The following MRO variants were observed in gnomAD, a reference collection of about 807,000 sequenced individuals.
MRO encodes the protein maestro, also known as protein maestro.
A neutral mutation model predicts 31.0 loss-of-function variants in MRO; 28 were observed. The ratio of observed to expected loss-of-function variants is 0.90; its 90% CI spans 0.67 to 1.24. The LOEUF is 1.24. MRO is among the 50% of genes most tolerant of loss of function. The pLI, the probability that MRO is intolerant of heterozygous loss-of-function variation, is 0.00. For missense variants in MRO, 332 were observed against 289.2 expected, an observed-to-expected ratio of 1.15 and a Z score of -1.07; for synonymous variants, 108 against 108.4, an observed-to-expected ratio of 1.00 and a Z score of 0.02.
In MRO at chr18:50,805,407, T is replaced by A. The variant is rs1390775337; in HGVS notation, c.247-71A>T. 3 of 1,224,918 alleles carry A rather than the reference T, an allele frequency of 2.4e-6. No individual in the cohort carries two copies. In the African/African-American group the frequency reaches 4.5e-5, roughly 18 times the overall value. 75.9% of individuals were successfully genotyped at this position (1,224,918 alleles called of 1,614,324 possible). On this transcript the variant is annotated intron_variant, in intron 4 of 7. Transcript: ENST00000398439. ...CCATAGGTTGAAAAGCAACCCCACA[T>A]CTAAGCTACTAATAACCTAGGACTT... is the stretch of plus-strand genomic sequence containing the variant.
At position 50,801,353 on chromosome 18, in the gene MRO, G is replaced by T. The variant is rs1157415116; in HGVS notation, c.581C>A (p.Ala194Asp). The change falls in exon 6 of 8, where the codon GCC becomes GAC. Residue 194 changes from alanine (A) to aspartate (D), a missense_variant. Transcript: ENST00000398439. Reference sequence around the variant, plus strand: ...GTTGCAGAGTCAAGGTCTTACCTTGGCAACCTGGGGATTTCTGTCCTGTAA... The same window carrying T: ...GTTGCAGAGTCAAGGTCTTACCTTGTCAACCTGGGGATTTCTGTCCTGTAA... ...IHLQDRNPQVAKACKTTFQAC... is the reference protein window; with the variant it reads ...IHLQDRNPQVDKACKTTFQAC... The T allele has an allele frequency of 1.3e-6, 2 of 1,577,808 alleles. No homozygotes were observed. The highest frequency in any genetic ancestry group is 1.7e-6 in the Non-Finnish European group (2 of 1,159,046).
intron 6 of MRO, among the ~76,000 whole-genome samples, chr18:50,800,499 G>C (rs1364090798): frequency 1.3e-5 from 2 of 152,226 alleles, no homozygotes; most frequent in African/African-American, 4.8e-5. Flanking sequence ...CGTTCACCAA[G>C]TCCCACTCCA....
intron 5 of MRO, 44 bp downstream of exon 5, chr18:50,805,110 C>T: frequency 6.5e-7 from 1 of 1,527,516 alleles, no homozygotes; most frequent in Non-Finnish European, 9.1e-7. Context: ...TATTTCTAAG[C>T]CCATTTTGAT....
intron 4 of MRO, 130 bp downstream of exon 4, chr18:50,806,574 T>G: frequency 9.0e-7 from 1 of 1,109,592 alleles, no homozygotes; most frequent in Non-Finnish European, 1.3e-6. Flanking sequence ...AGCTGCTAAG[T>G]GTGCGGTGGT....
intron 2 of MRO, among the ~76,000 whole-genome samples, chr18:50,818,428 AC>A: frequency 6.6e-6 from 1 of 151,852 alleles, no homozygotes; most frequent in Non-Finnish European, 1.5e-5. Context: ...CTATGTGCAG[AC>A]CCCTTGGTTT....
At chr18:50,818,111 G>A (rs149529163) in intron 2 of MRO, among the ~76,000 whole-genome samples, 264 of 151,360 alleles carry the variant, frequency 1.7e-3, no homozygotes, top group Middle Eastern at 6.9e-3. Flanking sequence ...TTGCAACACA[G>A]GATCTCAGAG....
intron 5 of MRO, among the ~76,000 whole-genome samples, chr18:50,801,937 A>T (rs566544508): frequency 3.7e-4 from 57 of 152,274 alleles, no homozygotes; most frequent in Admixed American, 7.2e-4. Context: ...CCTCCCCACA[A>T]GCTAATAAAG....
intron 2 of MRO, among the ~76,000 whole-genome samples, chr18:50,812,463 T>C (rs1206365606): frequency 6.6e-6 from 1 of 152,224 alleles, no homozygotes; most frequent in Non-Finnish European, 1.5e-5. Context: ...CTGTGGGCTG[T>C]CTTTTCACTT....
chr18:50,807,859 C>A (rs2144622993), intron 3 of MRO, among the ~76,000 whole-genome samples: 1 of 152,300 alleles, frequency 6.6e-6, no homozygotes, highest in South Asian at 2.1e-4. Flanking sequence ...AGGCGGATCG[C>A]CTGAGGTCAG....
At position 50,812,372 on chromosome 18, in the gene MRO, T is replaced by G. The variant is rs180953936; in HGVS notation, c.-4-2968A>C. On this transcript the variant is annotated intron_variant, in intron 2 of 7. Transcript: ENST00000398439. ...ATTGTCAGTTGGGTTGTTTGTCTTT[T>G]TCTGAGTTGTAAGAATTCTTTATAT... Among the ~76,000 whole-genome samples the G allele has an allele frequency of 1.7e-4, 26 of 152,338 alleles. 1 individual carries two copies. The East Asian group carries it at 4.4e-3, about 26-fold the overall frequency.
At position 50,819,620 on chromosome 18, in the gene MRO, G is replaced by A. The variant is rs1403908580; in HGVS notation, c.-44C>T. The A allele has an allele frequency of 1.3e-6, 2 of 1,551,660 alleles. No individual in the cohort carries two copies. On this transcript the variant is annotated 5_prime_UTR_variant, in exon 2 of 8. Coordinates refer to ENST00000398439, the MANE Select transcript of MRO (RefSeq NM_031939.6). Reference sequence around the variant, plus strand: ...GGCGGCTGCCACGTGATGAACCGGAGCCCGTTCCTGACTCGGGAGGGCTGC... The same window carrying A: ...GGCGGCTGCCACGTGATGAACCGGAACCCGTTCCTGACTCGGGAGGGCTGC...
At chr18:50,819,434 A>G (rs1247327899) in intron 2 of MRO, 147 bp downstream of exon 2, 17 of 1,435,296 alleles carry the variant, frequency 1.2e-5, no homozygotes, top group Non-Finnish European at 1.4e-5. Context: ...TCAGTTTTAC[A>G]AAGAGAACAT....
intron 2 of MRO, among the ~76,000 whole-genome samples, chr18:50,812,129 C>T (rs1047478483): frequency 3.3e-5 from 5 of 152,160 alleles, no homozygotes; most frequent in African/African-American, 1.2e-4. Flanking sequence ...CCACCAGCAA[C>T]GTATGAGGGT....
rs887339768 is a variant in MRO, at chr18:50,819,678, G to A, written c.-102C>T. 1.9e-6 allele frequency: 3 copies of A among 1,551,042 alleles called. No individual in the cohort carries two copies. The highest frequency in any genetic ancestry group is 2.6e-6 in the Non-Finnish European group (3 of 1,146,622). On this transcript the variant is annotated 5_prime_UTR_variant, in exon 2 of 8. Transcript: ENST00000398439. ...GGTAGTAGCCAAATGTGATGACTCG[G>A]CTAAATTTTCCCAGCCCTGAATTCC...
chr18:50,821,176 C>T (rs1471896288), upstream of MRO, among the ~76,000 whole-genome samples: 1 of 152,162 alleles, frequency 6.6e-6, no homozygotes, highest in East Asian at 1.9e-4. Flanking sequence ...GGAATAAAGC[C>T]TGGCCTTGTT....
upstream of MRO, among the ~76,000 whole-genome samples, chr18:50,822,188 G>A (rs1043950656): frequency 3.4e-5 from 5 of 145,466 alleles, no homozygotes. Flanking sequence ...CACTGGGGCT[G>A]GCACAACTGG....
chr18:50,800,910 C>T (rs144843024), intron 6 of MRO, among the ~76,000 whole-genome samples: 3,584 of 134,388 alleles, frequency 0.027, 60 homozygotes, highest in Non-Finnish European at 0.038. Context: ...AAAGAAAGAA[C>T]GAAGGAAGAA....
upstream of MRO, among the ~76,000 whole-genome samples, chr18:50,824,854 C>T (rs1915453756): frequency 6.6e-6 from 1 of 150,636 alleles, no homozygotes; most frequent in African/African-American, 2.4e-5. Flanking sequence ...ACGGGAGGAT[C>T]ACCTGAGGTC....
intron 6 of MRO, 95 bp from the exon 7 acceptor site, chr18:50,800,238 A>G (rs1003159817): frequency 3.7e-6 from 3 of 811,594 alleles, no homozygotes; most frequent in Non-Finnish European, 3.8e-6. Context: ...ATCTGTGGTC[A>G]GGGGCCCACT....
Sources: allele counts gnomAD v4.1 joint callset (sites outside exome capture counted in the v4.1 genomes callset), GRCh38; gene constraint gnomAD v4.1.1; transcripts MANE v1.5; gene names NCBI Gene and HGNC (gene_info 2026-07-23, HGNC 2026-07-21).